Variants in ESR1 observed in about 807,000 individuals in gnomAD.
ESR1 encodes the protein estrogen receptor.
Under a neutral mutation model 52.7 loss-of-function variants are expected in ESR1, and 12 were observed. That is an observed-to-expected ratio of 0.23 (90% CI 0.15 to 0.37). The LOEUF (loss-of-function observed/expected upper bound fraction) is 0.37. ESR1 is among the 10% of genes least tolerant of loss of function. The pLI, the probability that ESR1 is intolerant of heterozygous loss-of-function variation, is 1.00. For missense variants in ESR1, 584 were observed against 779.7 expected (o/e 0.75, Z 2.99); for synonymous variants, 305 against 316.8 (o/e 0.96, Z 0.39).
chr6:152,062,512 T>C (rs1309001374), intron 6 of ESR1, among the ~76,000 whole-genome samples: 2 of 152,230 alleles, frequency 1.3e-5, no homozygotes, highest in East Asian at 3.8e-4. Flanking sequence ...AAGGAAGTGA[T>C]TACCACTCCA....
At chr6:151,754,326 ATTT>A (rs11446767) in intron 2 of ESR1, among the ~76,000 whole-genome samples, 1 of 145,024 alleles carries the variant, frequency 6.9e-6, no homozygotes. Context: ...ATCTATTGCT[ATTT>A]TTTTTTTTTT....
intron 3 of ESR1, among the ~76,000 whole-genome samples, chr6:151,911,180 T>C (rs1023518561): frequency 6.6e-6 from 1 of 152,192 alleles, no homozygotes; most frequent in Non-Finnish European, 1.5e-5. Context: ...TTAATGTAAT[T>C]AAATATGTAC....
rs370619826 is a variant in ESR1 at position 152,060,331 on chromosome 6, T to C, written c.1236-660T>C. On this transcript the variant is annotated intron_variant, in intron 5 of 7. Coordinates refer to ENST00000206249, the MANE Select transcript of ESR1 (RefSeq NM_000125.4). ...TCCTGACCTCCAACACACTGCTCTA[T>C]GTTCTTTCATGCTGCTCCTCCTCCC... Among the ~76,000 whole-genome samples, 28 of 152,302 alleles carry C rather than the reference T, an allele frequency of 1.8e-4. No individual in the cohort carries two copies. In the East Asian group the frequency reaches 3.5e-3, roughly 19 times the overall value.
At chr6:151,734,877 C>A (rs796930098) in intron 2 of ESR1, among the ~76,000 whole-genome samples, 2 of 152,182 alleles carry the variant, frequency 1.3e-5, no homozygotes, top group African/African-American at 4.8e-5. Context: ...CTGCCTCGGC[C>A]TTCCAAAGTG....
chr6:151,687,002 G>A (rs1778716648), upstream of ESR1, among the ~76,000 whole-genome samples: 1 of 151,714 alleles, frequency 6.6e-6, no homozygotes, highest in African/African-American at 2.4e-5. Context: ...TTGCTAGGAG[G>A]CTTTCCTTAC....
intron 3 of ESR1, among the ~76,000 whole-genome samples, chr6:151,901,526 A>C (rs1407981688): frequency 1.3e-5 from 2 of 152,160 alleles, no homozygotes; most frequent in Non-Finnish European, 2.9e-5. Context: ...GTCTTTTCCC[A>C]GTTCCTCTGG....
chr6:151,911,990 A>G (rs1295694451), intron 3 of ESR1, among the ~76,000 whole-genome samples: 1 of 152,220 alleles, frequency 6.6e-6, no homozygotes, highest in East Asian at 1.9e-4. Context: ...AATGAATTTA[A>G]ATTAAATAGT....
At chr6:151,777,397 G>C (rs556938989) in intron 2 of ESR1, among the ~76,000 whole-genome samples, 59 of 152,168 alleles carry the variant, frequency 3.9e-4, no homozygotes, top group African/African-American at 1.3e-3. Context: ...GAGATTACAG[G>C]TGTGAGCCAC....
At chr6:151,808,387 T>C (rs2128157365) in intron 1 of ESR1, 23 bp downstream of exon 1, 2 of 764,682 alleles carry the variant, frequency 2.6e-6, no homozygotes, top group Non-Finnish European at 3.4e-6. Flanking sequence ...GCGCCGCCCG[T>C]CGGGGTGGCC....
At chr6:151,849,112 G>A (rs3853252) in intron 2 of ESR1, among the ~76,000 whole-genome samples, 65,162 of 151,764 alleles carry the variant, frequency 0.43, 14,180 homozygotes, top group Non-Finnish European at 0.46. Context: ...CAGAAGTAGT[G>A]TTACCCTTCC....
At chr6:152,105,880 C>A (rs368386955), downstream of ESR1, among the ~76,000 whole-genome samples, 3 of 144,678 alleles carry the variant, frequency 2.1e-5, no homozygotes, top group South Asian at 2.2e-4. Context: ...CTCCGCTTCC[C>A]GGGTTCACGC....
intron 2 of ESR1, among the ~76,000 whole-genome samples, chr6:151,727,495 C>G (rs778906938): frequency 6.6e-6 from 1 of 152,158 alleles, no homozygotes; most frequent in Middle Eastern, 3.2e-3. Flanking sequence ...AGCCACTATG[C>G]CTGGCTGGAT....
At chr6:151,901,224 G>A (rs957025758) in intron 3 of ESR1, among the ~76,000 whole-genome samples, 9 of 152,102 alleles carry the variant, frequency 5.9e-5, no homozygotes, top group Admixed American at 1.3e-4. Context: ...GGAATGTGGG[G>A]GAAAGCCGGC....
At chr6:151,993,868 G>A (rs2128722152) in intron 4 of ESR1, among the ~76,000 whole-genome samples, 1 of 152,102 alleles carries the variant, frequency 6.6e-6, no homozygotes, top group African/African-American at 2.4e-5. Context: ...ACTTAATATG[G>A]TACTTAGTTT....
At chr6:152,007,994 A>G (rs1417869282) in intron 4 of ESR1, among the ~76,000 whole-genome samples, 2 of 152,104 alleles carry the variant, frequency 1.3e-5, no homozygotes, top group Non-Finnish European at 2.9e-5. Flanking sequence ...AAGGTCTTGA[A>G]ACTTGATGTC....
intron 1 of ESR1, among the ~76,000 whole-genome samples, chr6:151,665,283 C>T (rs1186698567): frequency 1.3e-5 from 2 of 152,178 alleles, no homozygotes; most frequent in Non-Finnish European, 2.9e-5. Flanking sequence ...CACAGGGTAA[C>T]AGGAACTGGA....
At chr6:151,679,070 T>A (rs549701162) in intron 1 of ESR1, among the ~76,000 whole-genome samples, 1 of 152,338 alleles carries the variant, frequency 6.6e-6, no homozygotes, top group African/African-American at 2.4e-5. Context: ...TCAAAAAAAG[T>A]ATTTTTCTTT....
Position 152,115,880 on chromosome 6 carries a change from A to G in ESR1, c.851-9386A>G, listed in dbSNP as rs2051204061. ...ATAGCATCTAGGCCAGCCCTTCCCA[A>G]TCGTCTGCACCTGGGAATCGCCTGG... On this transcript the variant is annotated intron_variant, in intron 6 of 6. Transcript: ENST00000427531. 4.6e-5 allele frequency among the ~76,000 whole-genome samples: 7 copies of G among 152,228 alleles called. No individual in the cohort carries two copies. The South Asian group carries it at 1.5e-3, about 32-fold the overall frequency.
At chr6:151,712,985 A>G (rs1305860763) in intron 2 of ESR1, among the ~76,000 whole-genome samples, 2 of 152,078 alleles carry the variant, frequency 1.3e-5, no homozygotes, top group Non-Finnish European at 2.9e-5. Context: ...TGTCATGAAT[A>G]TCTCTTATTA....
Sources: gnomAD v4.1 joint callset for allele counts (sites outside exome capture counted in the v4.1 genomes callset) on GRCh38, gnomAD v4.1.1 for gene constraint, MANE v1.5 for transcripts, NCBI Gene and HGNC (gene_info 2026-07-23, HGNC 2026-07-21) for gene names.